ARHGAP8: variants seen among roughly 807,000 people sequenced by gnomAD.
ARHGAP8 encodes the protein Rho GTPase activating protein 8.
Under a neutral mutation model 46.1 loss-of-function variants are expected in ARHGAP8, and 62 were observed. The observed-to-expected ratio is 1.34, with a 90% CI of 1.10 to 1.66. The LOEUF (loss-of-function observed/expected upper bound fraction) is 1.66. ARHGAP8 is among the 40% of genes most tolerant of loss of function. ARHGAP8 has a pLI of 0.00. For missense variants in ARHGAP8, 923 were observed against 568.4 expected, an observed-to-expected ratio of 1.62 and a Z score of -6.34; for synonymous variants, 375 against 243.1, an observed-to-expected ratio of 1.54 and a Z score of -5.05.
chr22:44,853,768 C>T (rs1002352570), intron 10 of ARHGAP8, among the ~76,000 whole-genome samples: 8 of 152,092 alleles, frequency 5.3e-5, no homozygotes, highest in Admixed American at 5.2e-4. Context: ...TGGTTCACGC[C>T]TGTAATCCTA....
chr22:44,830,407 C>G (rs1015396038), intron 7 of ARHGAP8, among the ~76,000 whole-genome samples: 1 of 152,132 alleles, frequency 6.6e-6, no homozygotes, highest in South Asian at 2.1e-4. Context: ...TCTTGGCTCA[C>G]TGCAACCTCT....
intron 2 of ARHGAP8, among the ~76,000 whole-genome samples, chr22:44,794,618 A>G (rs1268888882): frequency 6.6e-6 from 1 of 152,060 alleles, no homozygotes; most frequent in Non-Finnish European, 1.5e-5. Flanking sequence ...GCTGAGGCAG[A>G]AGAATTGCTT....
At chr22:44,809,910 T>C (rs1929215936) in intron 4 of ARHGAP8, 2 of 152,234 alleles carry the variant, frequency 1.3e-5, no homozygotes, top group Admixed American at 1.3e-4. Flanking sequence ...CTGCTGTCAT[T>C]ATCAATAGGA....
At chr22:44,857,945 C>CGGTG (rs1569184253) in intron 10 of ARHGAP8, among the ~76,000 whole-genome samples, 2 of 151,932 alleles carry the variant, frequency 1.3e-5, no homozygotes, top group African/African-American at 4.8e-5. Context: ...AGAGGGACCA[C>CGGTG]AGAGCTGAGG....
At chr22:44,810,998 C>T (rs575191012) in intron 4 of ARHGAP8, among the ~76,000 whole-genome samples, 2 of 152,294 alleles carry the variant, frequency 1.3e-5, no homozygotes, top group East Asian at 1.9e-4. Flanking sequence ...AGGTTTTGCC[C>T]TCTGCACTTC....
intron 7 of ARHGAP8, among the ~76,000 whole-genome samples, chr22:44,829,814 C>A (rs1261552667): frequency 6.6e-6 from 1 of 152,122 alleles, no homozygotes; most frequent in African/African-American, 2.4e-5. Context: ...AAAGCTATCA[C>A]CTTAGAATGA....
intron 1 of ARHGAP8, among the ~76,000 whole-genome samples, chr22:44,763,718 G>A (rs1234433033): frequency 6.6e-6 from 1 of 151,914 alleles, no homozygotes; most frequent in Non-Finnish European, 1.5e-5. Context: ...GAGAAGGGGA[G>A]GAAGGGAGAG....
At chr22:44,786,695 T>C (rs767435350) in intron 2 of ARHGAP8, 89 bp downstream of exon 2, 588 of 1,493,276 alleles carry the variant, frequency 3.9e-4, no homozygotes, top group Non-Finnish European at 5.1e-4. Context: ...CGTCAGGGGC[T>C]GCCTCACTGC....
intron 1 of ARHGAP8, among the ~76,000 whole-genome samples, chr22:44,784,382 C>T (rs928980465): frequency 1.3e-5 from 2 of 152,020 alleles, no homozygotes; most frequent in African/African-American, 4.8e-5. Context: ...CCAGCCTGGG[C>T]GAGGGAGTGA....
At chr22:44,801,783 G>A (rs1928571319) in intron 2 of ARHGAP8, 1 of 385,244 alleles carries the variant, frequency 2.6e-6, no homozygotes. Context: ...AGTCCTTGGT[G>A]CCGCCTGCCA....
rs58207915 is a variant in ARHGAP8, at chr22:44,852,189, CAAAAAAAAAAAA to C, written c.877+3146_877+3157del. ...CCTGGGCGACAGAGTGAGACTTTGT[CAAAAAAAAAAAA>C]AAAAAAAAAAAAAAAAGGAAGGGAG... On this transcript the variant is annotated intron_variant, in intron 10 of 11. Transcript: ENST00000356099. 5.1e-4 allele frequency among the ~76,000 whole-genome samples: 39 copies of C among 76,020 alleles called. No homozygotes were observed. In the South Asian group the frequency reaches 0.019, roughly 38 times the overall value. The allele number at this position is 76,020 out of a possible 152,430, so 49.9% of individuals were successfully genotyped here. A position where few individuals can be genotyped will look rare whatever the true frequency, so the allele number is the denominator to read the frequency against.
chr22:44,814,907 C>CG (rs1182571864), intron 5 of ARHGAP8, 149 bp downstream of exon 5: 13 of 890,666 alleles, frequency 1.5e-5, no homozygotes, highest in African/African-American at 3.4e-5. Context: ...CTGGGGTCTG[C>CG]GGGGGGTCAC....
At chr22:44,752,977 G>A (rs1001485357) in intron 1 of ARHGAP8, among the ~76,000 whole-genome samples, 1 of 151,890 alleles carries the variant, frequency 6.6e-6, no homozygotes, top group African/African-American at 2.4e-5. Flanking sequence ...CTGGCCGGAC[G>A]GTGTCAGCTC....
chr22:44,846,060 C>A (rs1236914512), intron 8 of ARHGAP8, among the ~76,000 whole-genome samples: 1 of 152,092 alleles, frequency 6.6e-6, no homozygotes, highest in Non-Finnish European at 1.5e-5. Flanking sequence ...TCTCCAGCCT[C>A]CAGAGCTCGG....
chr22:44,804,577 G>A (rs751010115), intron 3 of ARHGAP8, among the ~76,000 whole-genome samples: 2 of 152,220 alleles, frequency 1.3e-5, no homozygotes, highest in Non-Finnish European at 2.9e-5. Context: ...CACCTGGCCT[G>A]CTGCAGACTC....
At chr22:44,827,889 C>G (rs1026153206) in intron 7 of ARHGAP8, among the ~76,000 whole-genome samples, 1 of 152,094 alleles carries the variant, frequency 6.6e-6, no homozygotes, top group South Asian at 2.1e-4. Flanking sequence ...CTGCTGGTGC[C>G]CCAGCGTCGG....
rs773455283 is a variant in ARHGAP8, at chr22:44,825,522, G to A, written c.525G>A (p.Thr175=). 1.9e-5 allele frequency: 31 copies of A among 1,613,100 alleles called. No individual in the cohort carries two copies. The highest frequency in any genetic ancestry group is 1.0e-4 in the Admixed American group (6 of 59,946). ...EKLQSLHEGR[T]PPPTKTPPPR... is the part of the protein sequence containing the mutation. ...TCCAGAGCCTGCACGAGGGCCGGAC[G>A]CCGCCTCCCACCAAGACACCACCGC... The change falls in exon 7 of 12, where the codon ACG becomes ACA. Residue 175 remains threonine (T), a synonymous_variant. Coordinates refer to ENST00000356099, the MANE Select transcript of ARHGAP8 (RefSeq NM_181335.3).
chr22:44,811,460 G>A (rs1391160591), intron 4 of ARHGAP8, among the ~76,000 whole-genome samples: 2 of 152,240 alleles, frequency 1.3e-5, no homozygotes, highest in African/African-American at 4.8e-5. Context: ...CTTGGCCAGA[G>A]GGGACTAGGC....
chr22:44,845,083 C>T (rs1182771244), intron 7 of ARHGAP8, among the ~76,000 whole-genome samples, 186 bp from the exon 8 acceptor site: 1 of 152,126 alleles, frequency 6.6e-6, no homozygotes, highest in Non-Finnish European at 1.5e-5. Context: ...TCAAATACTG[C>T]ACTATCATTT....
Sources: allele counts gnomAD v4.1 joint callset (sites outside exome capture counted in the v4.1 genomes callset), GRCh38; gene constraint gnomAD v4.1.1; transcripts MANE v1.5; gene names NCBI Gene and HGNC (gene_info 2026-07-23, HGNC 2026-07-21).